NLRP4: variants seen among roughly 807,000 people sequenced by gnomAD.
NLRP4 encodes the protein NACHT, LRR and PYD domains-containing protein 4.
In NLRP4, 44 loss-of-function variants were observed where a neutral mutation model predicts 84.7. That is an observed-to-expected ratio of 0.52 (90% CI 0.41 to 0.67). The LOEUF (loss-of-function observed/expected upper bound fraction) is 0.67. NLRP4 is among the 30% of genes least tolerant of loss of function. The pLI is 0.00. For synonymous variants in NLRP4, 544 were observed against 476.4 expected, an observed-to-expected ratio of 1.14 and a Z score of -1.85; for missense variants, 1,260 against 1,219.4, an observed-to-expected ratio of 1.03 and a Z score of -0.50.
chr19:55,871,372 C>T lies in NLRP4; in HGVS notation c.2525+375C>T, dbSNP rs537995635. On this transcript the variant is annotated intron_variant, in intron 7 of 9. Transcript: ENST00000301295. ...CAAAATTCCAGGTAGAAGGGTAAAA[C>T]GTGAAGGTGGGAGATCCAAAAATAC... 7.0e-4 allele frequency among the ~76,000 whole-genome samples: 106 copies of T among 152,114 alleles called. 1 individual carries two copies. The highest frequency in any genetic ancestry group is 2.6e-4 in the Non-Finnish European group (18 of 67,988).
chr19:55,880,959 A>C (rs1985563031), intron 9 of NLRP4, among the ~76,000 whole-genome samples: 1 of 152,218 alleles, frequency 6.6e-6, no homozygotes, highest in African/African-American at 2.4e-5. Flanking sequence ...AATGGAAACT[A>C]TTAACTTTAT....
chr19:55,841,423 C>T (rs1600217394), intron 1 of NLRP4, among the ~76,000 whole-genome samples: 1 of 152,186 alleles, frequency 6.6e-6, no homozygotes, highest in African/African-American at 2.4e-5. Context: ...CTCGTGTCCT[C>T]CACGTTCATC....
At chr19:55,845,597 A>G (rs7409427) in intron 1 of NLRP4, among the ~76,000 whole-genome samples, 4 of 151,596 alleles carry the variant, frequency 2.6e-5, no homozygotes, top group African/African-American at 7.3e-5. Flanking sequence ...CTGAGGAATC[A>G]CCACACCGAC....
At position 55,852,021 on chromosome 19, in the gene NLRP4, A is replaced by G; in HGVS notation, c.-60A>G. 1.6e-6 allele frequency: 2 copies of G among 1,267,596 alleles called. No homozygotes were observed. The highest frequency in any genetic ancestry group is 2.2e-6 in the Non-Finnish European group (2 of 893,066). The allele number at this position is 1,267,596 out of a possible 1,614,324, so 78.5% of individuals were successfully genotyped here. A position where few individuals can be genotyped will look rare whatever the true frequency, so the allele number is the denominator to read the frequency against. The stretch of plus-strand genomic sequence containing the variant: ...CTGTCCTGAATTTTCTACAGGTTTT[A>G]TTTATTTATTGTTCCTGGTCACTGT... On this transcript the variant is annotated 5_prime_UTR_variant, in exon 2 of 10. Transcript: ENST00000301295.
chr19:55,852,104 T>A lies in NLRP4; in HGVS notation c.24T>A (p.Asp8Glu). Reference protein sequence around the residue: MAASFFSDFGLMWYLEEL... With the variant: MAASFFSEFGLMWYLEEL... ...AGATGGCAGCCTCTTTCTTCTCTGA[T>A]TTTGGTCTTATGTGGTATCTGGAGG... Residue 8 changes from aspartate to glutamate, a missense_variant, in exon 2 of 10, where the codon GAT (aspartate) becomes GAA (glutamate). By Grantham distance (45) the Asp-to-Glu change is conservative (BLOSUM62 2). Around this residue, in one of 3 missense-constraint regions of NLRP4, gnomAD observed 712 missense variants for 669.2 expected, o/e 1.06. Coordinates refer to ENST00000301295, the MANE Select transcript of NLRP4 (RefSeq NM_134444.5). 6.3e-7 allele frequency: 1 copy of A among 1,595,686 alleles called. No individual in the cohort carries two copies. The highest frequency in any genetic ancestry group is 1.4e-5 in the African/African-American group (1 of 73,718).
chr19:55,879,888 G>T (rs754634872), intron 9 of NLRP4, among the ~76,000 whole-genome samples: 28 of 150,846 alleles, frequency 1.9e-4, no homozygotes, highest in Non-Finnish European at 3.2e-4. Context: ...GTAAATACAA[G>T]TTATATGTAT....
chr19:55,837,241 A>T (rs1983363188), intron 1 of NLRP4, among the ~76,000 whole-genome samples: 1 of 152,138 alleles, frequency 6.6e-6, no homozygotes, highest in Admixed American at 6.5e-5. Flanking sequence ...GAGGGTCAGG[A>T]AAAGATAGCT....
Position 55,838,731 on chromosome 19 carries a change from C to T in NLRP4, c.-66+1797C>T, listed in dbSNP as rs377687964. Among the ~76,000 whole-genome samples, 149 of 152,190 alleles carry T rather than the reference C, an allele frequency of 9.8e-4. 5 individuals are homozygous for T. The South Asian group carries it at 0.03, about 31-fold the overall frequency. On this transcript the variant is annotated intron_variant, in intron 1 of 9. Transcript: ENST00000301295. ...TTTCCTGATCTGTTCAAGATTTGTA[C>T]ACATTGTACAAATTTACATCTAATA...
At chr19:55,845,942 G>A (rs533063011) in intron 1 of NLRP4, among the ~76,000 whole-genome samples, 2 of 151,532 alleles carry the variant, frequency 1.3e-5, no homozygotes, top group African/African-American at 4.9e-5. Flanking sequence ...CAGATGAGTA[G>A]GTTGCGAAAA....
chr19:55,854,903 T>C (rs1475704816), intron 2 of NLRP4, among the ~76,000 whole-genome samples: 2 of 152,164 alleles, frequency 1.3e-5, no homozygotes, highest in Admixed American at 1.3e-4. Context: ...TTTATATTTT[T>C]AGTAGAGACG....
chr19:55,841,213 A>G (rs1413258232), intron 1 of NLRP4, among the ~76,000 whole-genome samples: 1 of 152,180 alleles, frequency 6.6e-6, no homozygotes, highest in Non-Finnish European at 1.5e-5. Context: ...CTAATTTGTA[A>G]GAGAACACTA....
rs34062458 is a variant in NLRP4 at position 55,858,206 on chromosome 19, G to A, written c.813G>A (p.Pro271=). Residue 271 remains proline, a synonymous_variant, in exon 3 of 10, where the codon CCG becomes CCA. Transcript: ENST00000301295. The surrounding 1 kb of genome is among the most constrained non-coding windows in gnomAD (Gnocchi z 4.2). Reference sequence around the variant, plus strand: ...GTTTGCTGAGGAAGAAGATGCTCCCGGAGGCCTCCCTGCTCATCGCTATCA... The same window carrying A: ...GTTTGCTGAGGAAGAAGATGCTCCCAGAGGCCTCCCTGCTCATCGCTATCA... ...LSSLLRKKML[P]EASLLIAIKP... is the part of the protein sequence containing the mutation. 0.055 allele frequency: 89,116 copies of A among 1,614,088 alleles called. 2,831 individuals carry two copies. Among genetic ancestry groups the A allele is most frequent in the Non-Finnish European group, 0.065 (76,349 of 1,179,962 alleles).
intron 7 of NLRP4, among the ~76,000 whole-genome samples, chr19:55,872,089 C>T (rs60214476): frequency 0.026 from 3,893 of 152,154 alleles, 128 homozygotes; most frequent in African/African-American, 0.071. Context: ...ATCTCGTGAT[C>T]CGCCCGCCTC....
intron 7 of NLRP4, among the ~76,000 whole-genome samples, chr19:55,874,722 G>A (rs908411681): frequency 7.2e-5 from 11 of 152,054 alleles, no homozygotes; most frequent in Non-Finnish European, 1.5e-4. Flanking sequence ...ATCAGAAGAG[G>A]AGAAACTCCC....
chr19:55,837,880 A>G (rs1983430824), intron 1 of NLRP4, among the ~76,000 whole-genome samples: 2 of 152,068 alleles, frequency 1.3e-5, no homozygotes, highest in African/African-American at 4.8e-5. Context: ...TACTAAAAAT[A>G]CAAAAATCAG....
chr19:55,841,175 C>T (rs967117693), intron 1 of NLRP4, among the ~76,000 whole-genome samples: 11 of 152,060 alleles, frequency 7.2e-5, no homozygotes, highest in Admixed American at 6.6e-5. Flanking sequence ...TTGAAATATC[C>T]GCCACACTGT....
rs188725553 is a variant in NLRP4, at chr19:55,843,760, G to A, written c.-66+6826G>A. Among the ~76,000 whole-genome samples the A allele has an allele frequency of 2.7e-3, 412 of 151,828 alleles. 1 individual carries two copies. The highest frequency in any genetic ancestry group is 9.4e-3 in the African/African-American group (390 of 41,432). On this transcript the variant is annotated intron_variant, in intron 1 of 9. Transcript: ENST00000301295. ...ATTAGGTTGGTACAAAAGTAATTGCGGTTTTTGCATTTTTTTCATGGCAAA... is the reference window on the plus strand; with the variant it reads ...ATTAGGTTGGTACAAAAGTAATTGCAGTTTTTGCATTTTTTTCATGGCAAA...
At chr19:55,851,974 A>G (rs1353038854) in intron 1 of NLRP4, 42 bp from the exon 2 acceptor site, 2 of 813,378 alleles carry the variant, frequency 2.5e-6, no homozygotes, top group East Asian at 5.0e-5. Context: ...ATCTTGATCC[A>G]TTTATTTGTA....
In NLRP4 at chr19:55,878,969, G is replaced by GC. The variant is rs1314086931; in HGVS notation, c.2867+6dup. 6.2e-6 allele frequency: 10 copies of GC among 1,611,052 alleles called. No individual in the cohort carries two copies. Among genetic ancestry groups the GC allele is most frequent in the Non-Finnish European group, 8.5e-6 (10 of 1,177,880 alleles). Reference sequence around the variant, plus strand: ...GTGTGCCCTGCAGGTGCTCGGGTGAGCTGGGGTCTGTTGTGCTCTATGGGC... The same window carrying GC: ...GTGTGCCCTGCAGGTGCTCGGGTGAGCCTGGGGTCTGTTGTGCTCTATGGGC... On this transcript the variant is annotated splice_donor_region_variant and intron_variant, in intron 9 of 9. Coordinates refer to ENST00000301295, the MANE Select transcript of NLRP4 (RefSeq NM_134444.5).
Sources: allele counts gnomAD v4.1 joint callset (sites outside exome capture counted in the v4.1 genomes callset), GRCh38; gene constraint gnomAD v4.1.1; regional missense constraint gnomAD v4.1.1; non-coding constraint Gnocchi (gnomAD v3.1); transcripts MANE v1.5; gene names NCBI Gene and HGNC (gene_info 2026-07-23, HGNC 2026-07-21).